Variants in FILIP1 observed in about 807,000 individuals in gnomAD.
The protein encoded by FILIP1 is filamin A interacting protein 1.
A neutral mutation model predicts 102.1 loss-of-function variants in FILIP1; 61 were observed. The ratio of observed to expected loss-of-function variants is 0.60; its 90% confidence interval spans 0.49 to 0.74. The LOEUF is 0.74. Ranked by LOEUF, FILIP1 falls within the 30% of genes least tolerant of loss-of-function variation. The probability of loss-of-function intolerance (pLI) is 0.00; values close to 1 mark genes in which losing one functional copy is unlikely to be tolerated. For missense variants in FILIP1, 1,314 were observed against 1,441.2 expected (o/e 0.91, Z 1.43); for synonymous variants, 491 against 526.9 (o/e 0.93, Z 0.93).
chr6:75,446,574 T>G (rs1177696480), intron 1 of FILIP1, among the ~76,000 whole-genome samples: 2 of 152,140 alleles, frequency 1.3e-5, no homozygotes, highest in African/African-American at 4.8e-5. Flanking sequence ...GTGGTAAACA[T>G]TTCGTTTACC....
chr6:75,441,674 TC>T (rs1459103317), intron 1 of FILIP1, among the ~76,000 whole-genome samples: 4 of 130,256 alleles, frequency 3.1e-5, no homozygotes, highest in Non-Finnish European at 4.7e-5. Flanking sequence ...CGCCCCCACC[TC>T]CCTCCCTGAC....
intron 2 of FILIP1, among the ~76,000 whole-genome samples, chr6:75,369,734 A>G (rs1168028835): frequency 6.6e-6 from 1 of 152,240 alleles, no homozygotes; most frequent in East Asian, 1.9e-4. Flanking sequence ...CACTAAGATT[A>G]CTGAAAGACT....
intron 1 of FILIP1, among the ~76,000 whole-genome samples, chr6:75,453,388 A>G (rs1035063001): frequency 1.3e-5 from 2 of 152,338 alleles, no homozygotes; most frequent in Admixed American, 1.3e-4. Context: ...AAACTCCACT[A>G]AGGGTTGGAT....
intron 1 of FILIP1, among the ~76,000 whole-genome samples, chr6:75,491,001 T>C (rs1406324561): frequency 4.6e-5 from 7 of 152,104 alleles, no homozygotes; most frequent in Non-Finnish European, 1.5e-5. Flanking sequence ...GGATACGGCA[T>C]TGCACCTAAT....
chr6:75,490,637 T>TTGTG (rs59493141), intron 1 of FILIP1, among the ~76,000 whole-genome samples: 2,302 of 147,974 alleles, frequency 0.016, 39 homozygotes, highest in African/African-American at 0.042. Context: ...TACACAGGAT[T>TTGTG]TGTGTGTGTG....
intron 4 of FILIP1, among the ~76,000 whole-genome samples, chr6:75,316,503 T>G (rs1261998116): frequency 2.0e-5 from 3 of 152,154 alleles, no homozygotes; most frequent in Non-Finnish European, 1.5e-5. Flanking sequence ...TGTTTTTTTT[T>G]TACTTGTCAC....
At chr6:75,292,334 T>C (rs918221723) in exon 7 of FILIP1, 2 of 152,142 alleles carry the variant, frequency 1.3e-5, no homozygotes, top group Admixed American at 1.3e-4. Flanking sequence ...AGTAACAAAA[T>C]CTGTGATGGT....
chr6:75,461,813 C>A (rs1779030509), intron 1 of FILIP1, among the ~76,000 whole-genome samples: 1 of 152,204 alleles, frequency 6.6e-6, no homozygotes, highest in Non-Finnish European at 1.5e-5. Context: ...ACCGCTTGAA[C>A]AAGGGCGAAG....
chr6:75,381,323 G>A (rs1008187294), intron 2 of FILIP1, among the ~76,000 whole-genome samples: 6 of 151,848 alleles, frequency 4.0e-5, no homozygotes, highest in Non-Finnish European at 8.8e-5. Context: ...TCTGCCTCCC[G>A]GGTTCAAGCG....
intron 1 of FILIP1, among the ~76,000 whole-genome samples, chr6:75,434,964 TTC>T (rs757623088): frequency 5.3e-5 from 8 of 152,248 alleles, no homozygotes; most frequent in Admixed American, 1.3e-4. Context: ...TTGTCTTTCA[TTC>T]TGTTTATATG....
exon 7 of FILIP1, chr6:75,293,511 C>T (rs916303726): frequency 6.6e-6 from 1 of 152,094 alleles, no homozygotes; most frequent in African/African-American, 2.4e-5. Flanking sequence ...TGGGTTTAAA[C>T]AGAGGACTTA....
rs975986759 is a variant in FILIP1 at position 75,413,595 on chromosome 6, T to C, written c.276+1102A>G. Among the ~76,000 whole-genome samples the C allele has an allele frequency of 3.0e-4, 45 of 152,086 alleles. 1 individual carries two copies. Among genetic ancestry groups the C allele is most frequent in the South Asian group, 1.7e-3 (8 of 4,812 alleles). On this transcript the variant is annotated intron_variant, in intron 2 of 5. Coordinates refer to ENST00000237172, the MANE Select transcript of FILIP1 (RefSeq NM_015687.5). ...CAGAGTGACCCACCCTAGTTTAGAG[T>C]AGGTTGCCAATTACCTCACTAAAGC...
chr6:75,426,709 C>A (rs117715679), intron 1 of FILIP1, among the ~76,000 whole-genome samples: 2,518 of 151,926 alleles, frequency 0.017, 29 homozygotes, highest in South Asian at 0.069. Flanking sequence ...GAGATAGGGG[C>A]ATTTTACAAG....
intron 4 of FILIP1, among the ~76,000 whole-genome samples, chr6:75,323,842 C>A (rs545798303): frequency 2.4e-5 from 2 of 82,434 alleles, no homozygotes; most frequent in Non-Finnish European, 5.7e-5. Context: ...TGGTTCCCCC[C>A]ACGCTGTTAT....
chr6:75,421,072 C>T (rs1209509700), intron 1 of FILIP1, among the ~76,000 whole-genome samples: 1 of 152,102 alleles, frequency 6.6e-6, no homozygotes, highest in Non-Finnish European at 1.5e-5. Flanking sequence ...AGATTTCTAA[C>T]ACTAAAATAA....
At chr6:75,307,108 A>G (rs1773010884), downstream of FILIP1, among the ~76,000 whole-genome samples, 2 of 152,140 alleles carry the variant, frequency 1.3e-5, no homozygotes, top group Non-Finnish European at 2.9e-5. Flanking sequence ...TAGCTACTCA[A>G]CATTTTGTAA....
exon 7 of FILIP1, chr6:75,293,042 A>G (rs1772581139): frequency 6.6e-6 from 1 of 152,212 alleles, no homozygotes; most frequent in African/African-American, 2.4e-5. Context: ...GTATTTATCT[A>G]CCATCTTCAT....
chr6:75,355,393 T>A (rs1362399673), intron 3 of FILIP1, among the ~76,000 whole-genome samples: 1 of 109,882 alleles, frequency 9.1e-6, no homozygotes, highest in East Asian at 2.1e-4. Context: ...GTTATAAGAT[T>A]TTTTTTTTTT....
intron 2 of FILIP1, among the ~76,000 whole-genome samples, chr6:75,392,646 C>T (rs76730713): frequency 3.3e-5 from 5 of 152,102 alleles, no homozygotes; most frequent in Non-Finnish European, 7.3e-5. Context: ...TTTCCCCCCA[C>T]CAGCACTGTT....
Sources: allele counts gnomAD v4.1 joint callset (sites outside exome capture counted in the v4.1 genomes callset), GRCh38; gene constraint gnomAD v4.1.1; transcripts MANE v1.5; gene names NCBI Gene and HGNC (gene_info 2026-07-23, HGNC 2026-07-21).